Variants in KRT36 observed in about 807,000 individuals in gnomAD.
KRT36 encodes keratin 36, also known as keratin, type I cuticular Ha6.
A neutral mutation model predicts 43.0 loss-of-function variants in KRT36; 41 were observed. That is an observed-to-expected ratio of 0.95 (90% CI 0.74 to 1.24). The LOEUF is 1.24. KRT36 is among the 50% of genes most tolerant of loss of function. The pLI, the probability that KRT36 is intolerant of heterozygous loss-of-function variation, is 0.00. For synonymous variants in KRT36, 277 were observed against 252.9 expected (o/e 1.10, Z -0.90); for missense variants, 627 against 595.3 (o/e 1.05, Z -0.55).
At position 41,487,291 on chromosome 17, in the gene KRT36, G is replaced by A. The variant is rs1904416887; in HGVS notation, c.987+60C>T. The stretch of plus-strand genomic sequence containing the variant: ...ACCCCATGAGAGCCTGCACGCTGAG[G>A]CTGGTGCGTCGGGGACCTGCCACAG... On this transcript the variant is annotated intron_variant, in intron 5 of 6. Transcript: ENST00000328119. The A allele has an allele frequency of 6.3e-6, 10 of 1,584,936 alleles. No individual in the cohort carries two copies. The South Asian group carries it at 1.2e-4, about 18-fold the overall frequency.
Position 41,487,076 on chromosome 17 carries a change from T to C in KRT36, c.1082A>G (p.Gln361Arg), listed in dbSNP as rs1403975771. 1 of 1,614,192 alleles carries C rather than the reference T, an allele frequency of 6.2e-7. No individual in the cohort carries two copies. Among genetic ancestry groups the C allele is most frequent in the Non-Finnish European group, 8.5e-7 (1 of 1,180,014 alleles). The change falls in exon 6 of 7, where the codon CAG becomes CGG. Residue 361 changes from glutamine to arginine, a missense_variant. Gln to Arg is a conservative substitution (Grantham distance 43). Coordinates refer to ENST00000328119, the MANE Select transcript of KRT36 (RefSeq NM_003771.5). ...CAGGTCGCAGCGGATCTCAGACAGC[T>C]GGGCCTCCACGTTGCTGATCAGGCA... ...MQCLISNVEA[Q>R]LSEIRCDLER... is the part of the protein sequence containing the mutation.
intron 1 of KRT36, 67 bp from the exon 2 acceptor site, chr17:41,488,791 G>T: frequency 1.5e-6 from 2 of 1,330,976 alleles, no homozygotes; most frequent in Non-Finnish European, 2.2e-6. Flanking sequence ...TAGGGGGATA[G>T]CTCAGCTCAC....
rs1904376426 is a variant in KRT36, at chr17:41,486,254, A to G, written c.*122T>C. 2.8e-6 allele frequency: 2 copies of G among 721,326 alleles called. No individual in the cohort carries two copies. Among genetic ancestry groups the G allele is most frequent in the Admixed American group, 6.0e-5 (2 of 33,086 alleles). The allele number at this position is 721,326 out of a possible 1,614,324, so 44.7% of individuals were successfully genotyped here. On this transcript the variant is annotated 3_prime_UTR_variant, in exon 7 of 7. Coordinates refer to ENST00000328119, the MANE Select transcript of KRT36 (RefSeq NM_003771.5). ...CACAATACGGGGAGTGTTTTGGTAG[A>G]AAAACCTGCTAAGCGTAGGGGGACC...
At chr17:41,487,547 C>T (rs778728375) in intron 4 of KRT36, 29 bp downstream of exon 4, 4 of 1,612,816 alleles carry the variant, frequency 2.5e-6, no homozygotes, top group Non-Finnish European at 3.4e-6. Flanking sequence ...AGCCCAGGAG[C>T]CTGTGGTCCC....
rs568548510 is a variant in KRT36 at position 41,488,869 on chromosome 17, G to T, written c.460-145C>A. ...CAGCCCTGAGCCACACCCCAGGTGTGGGGGGAGCATCCACCCCACAGGGGC... is the reference window on the plus strand; with the variant it reads ...CAGCCCTGAGCCACACCCCAGGTGTTGGGGGAGCATCCACCCCACAGGGGC... On this transcript the variant is annotated intron_variant, in intron 1 of 6. Coordinates refer to ENST00000328119, the MANE Select transcript of KRT36 (RefSeq NM_003771.5). The T allele has an allele frequency of 2.9e-5, 20 of 699,062 alleles. No homozygotes were observed. The East Asian group carries it at 3.7e-4, about 13-fold the overall frequency. 43.3% of individuals were successfully genotyped at this position (699,062 alleles called of 1,614,324 possible).
chr17:41,487,311 C>A, intron 5 of KRT36, 40 bp downstream of exon 5: 1 of 1,599,424 alleles, frequency 6.3e-7, no homozygotes, highest in South Asian at 1.1e-5. Context: ...CGGGGACCTG[C>A]CACAGGCCGT....
chr17:41,489,752 C>A lies in KRT36; in HGVS notation c.113G>T (p.Arg38Met), dbSNP rs1450463051. The change falls in exon 1 of 7, where the codon AGG (arginine) becomes ATG (methionine). Residue 38 changes from arginine (R) to methionine (M), a missense_variant. By Grantham distance (91) the Arg-to-Met change is moderately conservative. Coordinates refer to ENST00000328119, the MANE Select transcript of KRT36 (RefSeq NM_003771.5). ...VSSIRSVGSC[R>M]VPSLAGAAGY... ...TGCAGCACCGGCGAGACTGGGGACC[C>A]TGCAGGAGCCCACAGAACGGATGGA... 1 of 1,613,934 alleles carries A rather than the reference C, an allele frequency of 6.2e-7. No individual in the cohort carries two copies. Among genetic ancestry groups the A allele is most frequent in the Non-Finnish European group, 8.5e-7 (1 of 1,180,000 alleles).
rs1374100402 is a variant in KRT36, at chr17:41,487,052, A to G, written c.1106T>C (p.Leu369Pro). 3 of 1,614,188 alleles carry G rather than the reference A, an allele frequency of 1.9e-6. No homozygotes were observed. ...EAQLSEIRCDLERQNQEYQVL... is the reference protein window; with the variant it reads ...EAQLSEIRCDPERQNQEYQVL... ...CTGGTACTCCTGGTTCTGCCGCTCC[A>G]GGTCGCAGCGGATCTCAGACAGCTG... The change falls in exon 6 of 7, where the codon CTG (leucine) becomes CCG (proline). Residue 369 changes from leucine to proline, a missense_variant. Physicochemically the swap from Leu to Pro is moderately conservative, Grantham distance 98. Transcript: ENST00000328119.
At chr17:41,487,204 G>A (rs772894175) in intron 5 of KRT36, 34 bp from the exon 6 acceptor site, 14 of 1,597,236 alleles carry the variant, frequency 8.8e-6, no homozygotes, top group Admixed American at 1.7e-5. Flanking sequence ...TGCCTATTGG[G>A]GAGGAATCCC....
Position 41,486,223 on chromosome 17 carries a change from C to G in KRT36, c.*153G>C, listed in dbSNP as rs567416541. On this transcript the variant is annotated 3_prime_UTR_variant, in exon 7 of 7. Transcript: ENST00000328119. ...CATGGCGTAAAAGCACAGTTAAGTC[C>G]GGAAACACAATACGGGGAGTGTTTT... 6 of 612,414 alleles carry G rather than the reference C, an allele frequency of 9.8e-6. No homozygotes were observed. In the East Asian group the frequency reaches 1.5e-4, roughly 15 times the overall value. The allele number at this position is 612,414 out of a possible 1,614,324, so 37.9% of individuals were successfully genotyped here.
At position 41,487,996 on chromosome 17, in the gene KRT36, T is replaced by C. The variant is rs117776927; in HGVS notation, c.699+247A>G. On this transcript the variant is annotated intron_variant, in intron 3 of 6. Coordinates refer to ENST00000328119, the MANE Select transcript of KRT36 (RefSeq NM_003771.5). ...GAGCCCAAATAGACATGTAGTGTTA[T>C]GGGCAAAAGTGTAGACCCTCTATGA... 2.1e-3 allele frequency among the ~76,000 whole-genome samples: 317 copies of C among 152,364 alleles called. 1 individual carries two copies. The highest frequency in any genetic ancestry group is 6.8e-3 in the Middle Eastern group (2 of 294).
Position 41,489,659 on chromosome 17 carries a change from G to C in KRT36, c.206C>G (p.Ser69Cys). Reference sequence around the variant, plus strand: ...AAAGCCAGAGGTGTGGCACTCAGAAGACAGGTAGGAGCCAGGCAAGCAGCT... The same window carrying C: ...AAAGCCAGAGGTGTGGCACTCAGAACACAGGTAGGAGCCAGGCAAGCAGCT... Reference protein sequence around the residue: ...LGSCLPGSYLSSECHTSGFVG... With the variant: ...LGSCLPGSYLCSECHTSGFVG... Residue 69 changes from serine (S) to cysteine (C), a missense_variant, in exon 1 of 7, where the codon TCT becomes TGT. Transcript: ENST00000328119. 6.2e-7 allele frequency: 1 copy of C among 1,614,198 alleles called. No homozygotes were observed. The highest frequency in any genetic ancestry group is 1.7e-5 in the Admixed American group (1 of 60,032).
chr17:41,488,727 G>A lies in KRT36; in HGVS notation c.460-3C>T, dbSNP rs199907918. On this transcript the variant is annotated splice_polypyrimidine_tract_variant and splice_region_variant and intron_variant, in intron 1 of 6. Coordinates refer to ENST00000328119, the MANE Select transcript of KRT36 (RefSeq NM_003771.5). ...TTCTCAGACTTAGTCAGCAGGATCT[G>A]GGGAACAAGAGGCTTCCCATAAGCT... The A allele has an allele frequency of 4.3e-6, 7 of 1,613,864 alleles. No homozygotes were observed. The African/African-American group carries it at 6.7e-5, about 15-fold the overall frequency.
At chr17:41,486,760 G>A (rs965946471) in intron 6 of KRT36, among the ~76,000 whole-genome samples, 189 bp from the exon 7 acceptor site, 2 of 152,124 alleles carry the variant, frequency 1.3e-5, no homozygotes, top group African/African-American at 2.4e-5. Context: ...AAAAGATGGC[G>A]GAAAACACGC....
rs764004912 is a variant in KRT36 at position 41,489,773 on chromosome 17, A to G, written c.92T>C (p.Ile31Thr). 1.9e-6 allele frequency: 3 copies of G among 1,613,872 alleles called. No homozygotes were observed. The highest frequency in any genetic ancestry group is 3.3e-5 in the Admixed American group (2 of 60,004). Residue 31 changes from isoleucine to threonine, a missense_variant, in exon 1 of 7, where the codon ATC becomes ACC. Transcript: ENST00000328119. ...GACCCTGCAGGAGCCCACAGAACGGATGGAGGACACCCGAGAGATGCCGCC... is the reference window on the plus strand; with the variant it reads ...GACCCTGCAGGAGCCCACAGAACGGGTGGAGGACACCCGAGAGATGCCGCC... ...TAGGISRVSS[I>T]RSVGSCRVPS...
Position 41,486,972 on chromosome 17 carries a change from G to A in KRT36, c.1186C>T (p.Leu396=), listed in dbSNP as rs755959192. 9 of 1,613,244 alleles carry A rather than the reference G, an allele frequency of 5.6e-6. No individual in the cohort carries two copies. In the African/African-American group the frequency reaches 1.1e-4, roughly 19 times the overall value. ...LEGEIATYRH[L]LEGEDCKLPP... The stretch of plus-strand genomic sequence containing the variant: ...CACTTGCAGTCCTCTCCCTCCAGCA[G>A]GTGGCGGTAGGTAGCGATCTCGCCC... Residue 396 remains leucine, a synonymous_variant, in exon 6 of 7, where the codon CTG becomes TTG. Coordinates refer to ENST00000328119, the MANE Select transcript of KRT36 (RefSeq NM_003771.5).
intron 3 of KRT36, 57 bp downstream of exon 3, chr17:41,488,186 C>A: frequency 6.4e-7 from 1 of 1,557,158 alleles, no homozygotes; most frequent in Non-Finnish European, 8.8e-7. Flanking sequence ...GAAAGCCCAG[C>A]AGTGGCTTCC....
At chr17:41,487,202 G>T in intron 5 of KRT36, 32 bp from the exon 6 acceptor site, 3 of 1,598,620 alleles carry the variant, frequency 1.9e-6, no homozygotes, top group Non-Finnish European at 2.6e-6. Context: ...GCTGCCTATT[G>T]GGGAGGAATC....
chr17:41,486,464 A>T lies in KRT36; in HGVS notation c.1316T>A (p.Val439Asp), dbSNP rs770748976. ...GGTGATGGTGCGGATCTGAGTGCCA[A>T]CCTGGGGAGCCGGGGTGCAGGGCAC... ...PSVPCTPAPQ[V>D]GTQIRTITEE... The change falls in exon 7 of 7, where the codon GTT becomes GAT. Residue 439 changes from valine to aspartate, a missense_variant. By Grantham distance (152) the Val-to-Asp change is radical. Transcript: ENST00000328119. The T allele has an allele frequency of 6.2e-7, 1 of 1,613,944 alleles. No individual in the cohort carries two copies. The highest frequency in any genetic ancestry group is 8.5e-7 in the Non-Finnish European group (1 of 1,179,954).
Sources: gnomAD v4.1 joint callset for allele counts (sites outside exome capture counted in the v4.1 genomes callset) on GRCh38, gnomAD v4.1.1 for gene constraint, MANE v1.5 for transcripts, NCBI Gene and HGNC (gene_info 2026-07-23, HGNC 2026-07-21) for gene names.